FAM151B: variants seen among roughly 807,000 people sequenced by gnomAD.
FAM151B encodes protein FAM151B.
Under a neutral mutation model 31.2 loss-of-function variants are expected in FAM151B, and 24 were observed. That is an observed-to-expected ratio of 0.77 (90% CI 0.56 to 1.08). The LOEUF is 1.08. Ranked by LOEUF, FAM151B falls within the 50% of genes least tolerant of loss-of-function variation. The pLI, the probability that FAM151B is intolerant of heterozygous loss-of-function variation, is 0.00. For missense variants in FAM151B, 293 were observed against 328.6 expected, an observed-to-expected ratio of 0.89 and a Z score of 0.84; for synonymous variants, 105 against 111.4, an observed-to-expected ratio of 0.94 and a Z score of 0.36.
At chr5:80,533,295 T>A (rs968641114) in intron 5 of FAM151B, among the ~76,000 whole-genome samples, 3 of 151,852 alleles carry the variant, frequency 2.0e-5, no homozygotes, top group Non-Finnish European at 2.9e-5. Context: ...GAGAATGGTG[T>A]GAACCTGGGA....
chr5:80,536,644 A>G (rs1745529765), intron 5 of FAM151B, among the ~76,000 whole-genome samples: 1 of 152,222 alleles, frequency 6.6e-6, no homozygotes. Context: ...GAAAGCAACC[A>G]AAGTGTTCAT....
rs1744944846 is a variant in FAM151B, at chr5:80,525,962, G to T, written c.671+3824G>T. 2.0e-5 allele frequency among the ~76,000 whole-genome samples: 3 copies of T among 151,784 alleles called. No individual in the cohort carries two copies. In the South Asian group the frequency reaches 6.3e-4, roughly 32 times the overall value. Reference sequence around the variant, plus strand: ...AGGAGTATTTATATTTTTATACTAGGTGTGTATATATATATAAAATGCATA... The same window carrying T: ...AGGAGTATTTATATTTTTATACTAGTTGTGTATATATATATAAAATGCATA... On this transcript the variant is annotated intron_variant, in intron 5 of 5. Transcript: ENST00000282226.
intron 3 of FAM151B, among the ~76,000 whole-genome samples, chr5:80,515,988 G>A (rs531226033): frequency 6.6e-6 from 1 of 152,280 alleles, no homozygotes; most frequent in South Asian, 2.1e-4. Flanking sequence ...AGTAGTTCTT[G>A]TTTTGTGCTT....
chr5:80,490,439 A>G (rs1743278781), intron 1 of FAM151B, among the ~76,000 whole-genome samples: 1 of 152,168 alleles, frequency 6.6e-6, no homozygotes, highest in African/African-American at 2.4e-5. Context: ...TTAATATACA[A>G]CTTATTTAAA....
intron 1 of FAM151B, chr5:80,500,278 G>T (rs761162589): frequency 1.5e-6 from 1 of 672,718 alleles, no homozygotes; most frequent in Non-Finnish European, 2.7e-6. Context: ...GTAGGTTAGA[G>T]CATACAGAAC....
intron 5 of FAM151B, among the ~76,000 whole-genome samples, chr5:80,537,850 G>A (rs994346072): frequency 6.6e-6 from 1 of 151,586 alleles, no homozygotes; most frequent in African/African-American, 2.4e-5. Context: ...GTTACTTTTT[G>A]TTTTCTTTTA....
chr5:80,498,777 C>G, intron 1 of FAM151B: 1 of 539,104 alleles, frequency 1.9e-6, no homozygotes, highest in Non-Finnish European at 3.6e-6. Context: ...ACCACAAAGT[C>G]TCAACCCAAG....
At chr5:80,539,000 T>G (rs1212766108) in intron 5 of FAM151B, among the ~76,000 whole-genome samples, 1 of 150,364 alleles carries the variant, frequency 6.7e-6, no homozygotes, top group East Asian at 1.9e-4. Context: ...CTCTTTTTTT[T>G]TTTTTTTTTG....
At chr5:80,538,436 C>CTCTTTCTTTG (rs2071572397) in intron 5 of FAM151B, among the ~76,000 whole-genome samples, 3 of 59,684 alleles carry the variant, frequency 5.0e-5, no homozygotes, top group African/African-American at 2.7e-4. Flanking sequence ...TTCTTTCTTT[C>CTCTTTCTTTG]TTTCTTTCTT....
At position 80,522,109 on chromosome 5, in the gene FAM151B, GT is replaced by G; in HGVS notation, c.644del (p.Leu215TyrfsTer5). 6.2e-7 allele frequency: 1 copy of G among 1,612,742 alleles called. No individual in the cohort carries two copies. The highest frequency in any genetic ancestry group is 8.5e-7 in the Non-Finnish European group (1 of 1,179,054). ...AALVRQSCSQ[L>X]LWLLKKSNRY... ...CATTAGTCAGGCAGTCTTGTTCTCA[GT>G]TACTTTGGCTGTTAAAGAAATCAAA... is the stretch of plus-strand genomic sequence containing the variant. On this transcript the variant is annotated frameshift_variant, in exon 5 of 6. Transcript: ENST00000282226. LOFTEE classifies it high-confidence loss of function.
intron 2 of FAM151B, chr5:80,505,968 G>T: frequency 2.8e-6 from 1 of 353,482 alleles, no homozygotes; most frequent in South Asian, 6.0e-5. Flanking sequence ...GTGTTGGCCA[G>T]ACTGGTCTCG....
chr5:80,497,414 C>CAAA (rs1187044492), intron 1 of FAM151B, among the ~76,000 whole-genome samples: 1 of 58,358 alleles, frequency 1.7e-5, no homozygotes, highest in Non-Finnish European at 3.6e-5. Context: ...GACTCCGGCT[C>CAAA]AAAAAAAAAA....
intron 5 of FAM151B, among the ~76,000 whole-genome samples, chr5:80,537,700 T>C (rs914676362): frequency 1.3e-5 from 2 of 152,050 alleles, no homozygotes; most frequent in African/African-American, 4.8e-5. Context: ...GTAGATCTTA[T>C]TTTGTACAAC....
chr5:80,489,955 T>G (rs768189068), intron 1 of FAM151B, among the ~76,000 whole-genome samples: 7 of 150,630 alleles, frequency 4.6e-5, no homozygotes, highest in Non-Finnish European at 8.8e-5. Context: ...TTCTTCTCAT[T>G]ACCGAGTTAT....
intron 5 of FAM151B, among the ~76,000 whole-genome samples, chr5:80,540,272 G>A (rs1428866230): frequency 6.6e-6 from 1 of 152,130 alleles, no homozygotes; most frequent in Non-Finnish European, 1.5e-5. Context: ...AAAGATCATG[G>A]AGACTTGAGA....
intron 5 of FAM151B, among the ~76,000 whole-genome samples, chr5:80,527,287 G>A (rs1745013253): frequency 6.6e-6 from 1 of 152,056 alleles, no homozygotes; most frequent in African/African-American, 2.4e-5. Flanking sequence ...GCTGGGTGTG[G>A]TGGCACACGT....
intron 2 of FAM151B, among the ~76,000 whole-genome samples, chr5:80,512,833 A>G (rs1744244774): frequency 6.6e-6 from 1 of 152,114 alleles, no homozygotes; most frequent in Admixed American, 6.5e-5. Flanking sequence ...ATTTTAAAGA[A>G]TTTTTAAAAT....
intron 5 of FAM151B, among the ~76,000 whole-genome samples, chr5:80,535,514 G>A (rs112935455): frequency 1.8e-4 from 27 of 152,302 alleles, no homozygotes; most frequent in Middle Eastern, 3.4e-3. Flanking sequence ...TCAGTAAATG[G>A]TGCAGAGAAA....
intron 5 of FAM151B, among the ~76,000 whole-genome samples, chr5:80,538,431 T>C (rs1398049981): frequency 4.1e-4 from 24 of 59,164 alleles, no homozygotes; most frequent in African/African-American, 2.1e-3. Context: ...TTTCTTTCTT[T>C]CTTTCTTTCT....
Sources: allele counts gnomAD v4.1 joint callset (sites outside exome capture counted in the v4.1 genomes callset), GRCh38; gene constraint gnomAD v4.1.1; transcripts MANE v1.5; gene names NCBI Gene and HGNC (gene_info 2026-07-23, HGNC 2026-07-21).